FER: variants seen among roughly 807,000 people sequenced by gnomAD.
The protein encoded by FER is tyrosine-protein kinase Fer.
Under a neutral mutation model 111.0 loss-of-function variants are expected in FER, and 63 were observed. The observed-to-expected ratio is 0.57, with a 90% CI of 0.46 to 0.70. The LOEUF (loss-of-function observed/expected upper bound fraction) is 0.70. FER is among the 30% of genes least tolerant of loss of function. The pLI is 0.00. For synonymous variants in FER, 327 were observed against 313.9 expected, an observed-to-expected ratio of 1.04 and a Z score of -0.44; for missense variants, 914 against 954.0, an observed-to-expected ratio of 0.96 and a Z score of 0.55.
chr5:109,118,712 G>A (rs1305192640), intron 17 of FER, among the ~76,000 whole-genome samples: 2 of 151,984 alleles, frequency 1.3e-5, no homozygotes, highest in East Asian at 3.9e-4. Flanking sequence ...CAGGGATTCA[G>A]TTTCTTCCTT....
chr5:109,181,144 G>A (rs1349346066), intron 18 of FER, among the ~76,000 whole-genome samples: 9 of 152,226 alleles, frequency 5.9e-5, no homozygotes, highest in Admixed American at 6.5e-5. Context: ...ATCTGAGAAA[G>A]AGTTTTTATA....
At chr5:108,966,320 G>A (rs575043652) in intron 13 of FER, among the ~76,000 whole-genome samples, 3 of 151,664 alleles carry the variant, frequency 2.0e-5, no homozygotes, top group African/African-American at 7.2e-5. Context: ...GATATTTATA[G>A]CACAAACATT....
rs138033042 is a variant in FER at position 109,182,182 on chromosome 5, T to C, written c.2203+1281T>C. ...GCAGGTTTCAATTATTCTGGGTATA[T>C]ACTAGAAGTCATATGGTAATTTTAT... On this transcript the variant is annotated intron_variant, in intron 18 of 19. Coordinates refer to ENST00000281092, the MANE Select transcript of FER (RefSeq NM_005246.4). 5.4e-4 allele frequency among the ~76,000 whole-genome samples: 83 copies of C among 152,372 alleles called. No homozygotes were observed. In the East Asian group the frequency reaches 0.015, roughly 28 times the overall value.
chr5:109,122,882 A>G (rs1465445372), intron 17 of FER, among the ~76,000 whole-genome samples: 2 of 152,004 alleles, frequency 1.3e-5, no homozygotes, highest in Non-Finnish European at 2.9e-5. Flanking sequence ...AAGTATAGCT[A>G]CCTTTGCTCG....
intron 9 of FER, among the ~76,000 whole-genome samples, chr5:108,884,469 A>G (rs754031345): frequency 6.6e-6 from 1 of 151,034 alleles, no homozygotes; most frequent in Non-Finnish European, 1.5e-5. Flanking sequence ...CCTTACTTCA[A>G]TAGAGGAACA....
intron 3 of FER, chr5:108,819,760 T>A (rs1429700388): frequency 1.0e-5 from 10 of 982,462 alleles, no homozygotes; most frequent in African/African-American, 1.7e-5. Context: ...AGCATTTTTT[T>A]AAAATAGAGA....
intron 16 of FER, among the ~76,000 whole-genome samples, chr5:109,094,023 T>A (rs1313327663): frequency 6.6e-6 from 1 of 152,046 alleles, no homozygotes; most frequent in East Asian, 1.9e-4. Flanking sequence ...AGGCAGACAG[T>A]CGAACTTCTT....
At chr5:108,946,446 G>A (rs1244582135) in intron 11 of FER, among the ~76,000 whole-genome samples, 3 of 151,732 alleles carry the variant, frequency 2.0e-5, no homozygotes, top group Admixed American at 6.6e-5. Context: ...CATTGACATA[G>A]GGAAGACAGA....
chr5:108,812,398 G>T (rs915232923), intron 3 of FER, among the ~76,000 whole-genome samples: 5 of 152,016 alleles, frequency 3.3e-5, no homozygotes, highest in African/African-American at 1.2e-4. Flanking sequence ...ACCACGCTGG[G>T]TTTCATTTGG....
At chr5:108,989,921 T>G (rs1762976346) in intron 13 of FER, among the ~76,000 whole-genome samples, 1 of 152,016 alleles carries the variant, frequency 6.6e-6, no homozygotes, top group Non-Finnish European at 1.5e-5. Flanking sequence ...TTGTTTTAGT[T>G]ATTGTAAGCA....
rs201278494 is a variant in FER, at chr5:109,068,180, C to CTT, written c.1924+20993_1924+20994dup. ...AGCATTTAGGTCCACTCAGTCATCT[C>CTT]TTTTTTTTTTTTCATTTTTTTGAGA... On this transcript the variant is annotated intron_variant, in intron 16 of 19. Coordinates refer to ENST00000281092, the MANE Select transcript of FER (RefSeq NM_005246.4). Among the ~76,000 whole-genome samples the CTT allele has an allele frequency of 6.4e-3, 931 of 144,846 alleles. 9 individuals carry two copies. Among genetic ancestry groups the CTT allele is most frequent in the African/African-American group, 0.022 (859 of 39,504 alleles).
At chr5:108,859,725 T>C (rs1223568989) in intron 5 of FER, among the ~76,000 whole-genome samples, 1 of 152,076 alleles carries the variant, frequency 6.6e-6, no homozygotes, top group African/African-American at 2.4e-5. Context: ...AATCACTATA[T>C]GCAAGGAAAT....
chr5:109,037,371 A>C (rs1005581800), intron 13 of FER, 51 bp from the exon 14 acceptor site: 1 of 1,512,276 alleles, frequency 6.6e-7, no homozygotes, highest in Non-Finnish European at 9.2e-7. Flanking sequence ...TGCAACTTCA[A>C]GAAGTGTACC....
chr5:108,975,314 C>T (rs1176062527), intron 13 of FER, among the ~76,000 whole-genome samples: 3 of 151,974 alleles, frequency 2.0e-5, no homozygotes, highest in Admixed American at 6.6e-5. Context: ...GGGCTTAAAA[C>T]GTAGATGATG....
chr5:109,185,785 A>C (rs555024917), intron 18 of FER, among the ~76,000 whole-genome samples: 1 of 152,358 alleles, frequency 6.6e-6, no homozygotes, highest in East Asian at 1.9e-4. Flanking sequence ...GTTTAAATAC[A>C]GTCATGTATC....
Position 109,089,430 on chromosome 5 carries a change from A to G in FER, c.1925-10966A>G, listed in dbSNP as rs1436178687. 2.0e-5 allele frequency among the ~76,000 whole-genome samples: 3 copies of G among 152,206 alleles called. 1 individual carries two copies. The highest frequency in any genetic ancestry group is 2.0e-4 in the Admixed American group (3 of 15,268). On this transcript the variant is annotated intron_variant, in intron 16 of 19. Coordinates refer to ENST00000281092, the MANE Select transcript of FER (RefSeq NM_005246.4). The stretch of plus-strand genomic sequence containing the variant: ...AAGGAGGGCAGCATCTCAGTAAGAA[A>G]TGTGAAAATGATGAAGTGCTAGTGC...
intron 17 of FER, among the ~76,000 whole-genome samples, chr5:109,129,662 C>T (rs1024423183): frequency 1.2e-4 from 18 of 152,028 alleles, no homozygotes; most frequent in Middle Eastern, 3.4e-3. Context: ...GCAAAGAACA[C>T]GAACAGTAAG....
intron 16 of FER, among the ~76,000 whole-genome samples, chr5:109,097,395 AG>A (rs1451832537): frequency 6.7e-6 from 1 of 149,590 alleles, no homozygotes; most frequent in Non-Finnish European, 1.5e-5. Flanking sequence ...GAATTACAAA[AG>A]GGGTGTGAGT....
chr5:108,812,695 T>A lies in FER; in HGVS notation c.207+14306T>A, dbSNP rs534466666. Among the ~76,000 whole-genome samples, 432 of 152,268 alleles carry A rather than the reference T, an allele frequency of 2.8e-3. 6 individuals carry two copies. Among genetic ancestry groups the A allele is most frequent in the African/African-American group, 9.7e-3 (404 of 41,578 alleles). On this transcript the variant is annotated intron_variant, in intron 3 of 19. Transcript: ENST00000281092. The stretch of plus-strand genomic sequence containing the variant: ...AGCATTTTTAAAATGTGACTATTTT[T>A]ATCTCCTTTATTGAATTATTGCCTA...
Sources: gnomAD v4.1 joint callset for allele counts (sites outside exome capture counted in the v4.1 genomes callset) on GRCh38, gnomAD v4.1.1 for gene constraint, MANE v1.5 for transcripts, NCBI Gene and HGNC (gene_info 2026-07-23, HGNC 2026-07-21) for gene names.